The following SHISAL2B variants were observed in gnomAD, a reference collection of about 807,000 sequenced individuals.
The protein encoded by SHISAL2B is protein shisa-like-2B.
SHISAL2B carries 12 observed loss-of-function variants against 16.5 expected under a neutral mutation model. The observed-to-expected ratio is 0.73, with a 90% CI of 0.47 to 1.18. The LOEUF is 1.18. Among genes scored for constraint, SHISAL2B ranks in the 50% most tolerant of loss-of-function variants. The pLI is 0.00. For synonymous variants in SHISAL2B, 72 were observed against 75.0 expected (o/e 0.96, Z 0.21); for missense variants, 183 against 193.6 (o/e 0.95, Z 0.33).
At position 64,700,868 on chromosome 5, in the gene SHISAL2B, C is replaced by G. The variant is rs191896928; in HGVS notation, c.349+5204C>G. Among the ~76,000 whole-genome samples the G allele has an allele frequency of 7.2e-5, 11 of 152,320 alleles. No individual in the cohort carries two copies. The East Asian group carries it at 2.1e-3, about 29-fold the overall frequency. On this transcript the variant is annotated intron_variant, in intron 2 of 2. Coordinates refer to ENST00000389074, the MANE Select transcript of SHISAL2B (RefSeq NM_001164442.2). ...AGACATTAGATTCTCGTAAGGAAAGCACAACCTAGATCCCTCACATGCGCA... is the reference window on the plus strand; with the variant it reads ...AGACATTAGATTCTCGTAAGGAAAGGACAACCTAGATCCCTCACATGCGCA...
At chr5:64,703,462 T>G (rs1036032162) in intron 2 of SHISAL2B, among the ~76,000 whole-genome samples, 2 of 152,260 alleles carry the variant, frequency 1.3e-5, no homozygotes, top group Admixed American at 6.5e-5. Flanking sequence ...GAGCTACTGC[T>G]ACATTTATTA....
chr5:64,702,794 T>A (rs1741827869), intron 2 of SHISAL2B, among the ~76,000 whole-genome samples: 1 of 152,136 alleles, frequency 6.6e-6, no homozygotes, highest in Non-Finnish European at 1.5e-5. Context: ...ATTTTCCAAA[T>A]AATGAGTCAG....
At chr5:64,709,139 A>C in intron 2 of SHISAL2B, among the ~76,000 whole-genome samples, 1 of 142,978 alleles carries the variant, frequency 7.0e-6, no homozygotes, top group South Asian at 2.4e-4. Context: ...TGCACCCACT[A>C]ACTCGTCATC....
chr5:64,717,235 G>C (rs965380675), intron 2 of SHISAL2B, among the ~76,000 whole-genome samples: 1 of 152,200 alleles, frequency 6.6e-6, no homozygotes, highest in East Asian at 1.9e-4. Flanking sequence ...AGTAATGTCT[G>C]TGATTTCTTC....
chr5:64,706,296 T>A (rs574783045), intron 2 of SHISAL2B, among the ~76,000 whole-genome samples: 2 of 152,354 alleles, frequency 1.3e-5, no homozygotes, highest in South Asian at 4.1e-4. Flanking sequence ...ATACACAATT[T>A]AGTCTGGCTC....
intron 2 of SHISAL2B, among the ~76,000 whole-genome samples, chr5:64,702,110 A>T (rs76934143): frequency 0.033 from 5,054 of 152,328 alleles, 136 homozygotes; most frequent in Middle Eastern, 0.048. Context: ...TTCAAGTATA[A>T]AAAATAAATG....
rs533196018 is a variant in SHISAL2B at position 64,693,164 on chromosome 5, T to C, written c.192-2343T>C. Among the ~76,000 whole-genome samples, 574 of 152,108 alleles carry C rather than the reference T, an allele frequency of 3.8e-3. 2 individuals carry two copies. Among genetic ancestry groups the C allele is most frequent in the African/African-American group, 0.012 (479 of 41,500 alleles). On this transcript the variant is annotated intron_variant, in intron 1 of 2. Transcript: ENST00000389074. ...CTGGGACTACAGGCGCCTGCCACCA[T>C]GCCTGGCTAATTTTTTGTATTTTTA...
intron 2 of SHISAL2B, among the ~76,000 whole-genome samples, chr5:64,697,020 T>A (rs1427474308): frequency 6.6e-6 from 1 of 152,194 alleles, no homozygotes; most frequent in Non-Finnish European, 1.5e-5. Flanking sequence ...CAGGTGGGCA[T>A]CACCATCCTA....
chr5:64,694,269 A>G (rs1056801869), intron 1 of SHISAL2B: 3 of 355,694 alleles, frequency 8.4e-6, no homozygotes, highest in Non-Finnish European at 1.1e-5. Context: ...TAAGTTCTCA[A>G]ATGCTTTAAA....
chr5:64,698,847 G>A (rs1006768722), intron 2 of SHISAL2B, among the ~76,000 whole-genome samples: 1 of 152,200 alleles, frequency 6.6e-6, no homozygotes, highest in Non-Finnish European at 1.5e-5. Flanking sequence ...CACTGCATGT[G>A]TGTGATCAAA....
In SHISAL2B at chr5:64,717,810, A is replaced by T; in HGVS notation, c.350-79A>T. 5 of 1,279,872 alleles carry T rather than the reference A, an allele frequency of 3.9e-6. No homozygotes were observed. In the South Asian group the frequency reaches 7.3e-5, roughly 19 times the overall value. The allele number at this position is 1,279,872 out of a possible 1,614,324, so 79.3% of individuals were successfully genotyped here. ...ATCATATTTTCAATATTGCTACAAA[A>T]ATTATTTTTAAGTGCAAATTTTTAT... On this transcript the variant is annotated intron_variant, in intron 2 of 2. Coordinates refer to ENST00000389074, the MANE Select transcript of SHISAL2B (RefSeq NM_001164442.2).
At chr5:64,710,333 GA>G (rs1330241102) in intron 2 of SHISAL2B, among the ~76,000 whole-genome samples, 1 of 110,986 alleles carries the variant, frequency 9.0e-6, no homozygotes, top group African/African-American at 4.1e-5. Context: ...GTTTGTCAAA[GA>G]TCAGATAATT....
chr5:64,695,756 C>A, intron 2 of SHISAL2B, 92 bp downstream of exon 2: 1 of 986,576 alleles, frequency 1.0e-6, no homozygotes, highest in Non-Finnish European at 1.4e-6. Flanking sequence ...ACAATGAATG[C>A]TTTTTAAAAA....
chr5:64,693,798 T>C (rs1741688738), intron 1 of SHISAL2B, among the ~76,000 whole-genome samples: 1 of 152,208 alleles, frequency 6.6e-6, no homozygotes, highest in Admixed American at 6.5e-5. Context: ...AACTCTACAG[T>C]GAGTCACTCT....
chr5:64,718,170 A>G lies in SHISAL2B; in HGVS notation c.*148A>G, dbSNP rs1406546242. The G allele has an allele frequency of 5.1e-6, 3 of 584,968 alleles. No homozygotes were observed. The highest frequency in any genetic ancestry group is 8.2e-6 in the Non-Finnish European group (3 of 366,418). The allele number at this position is 584,968 out of a possible 1,614,324, so 36.2% of individuals were successfully genotyped here. A position where few individuals can be genotyped will look rare whatever the true frequency, so the allele number is the denominator to read the frequency against. On this transcript the variant is annotated 3_prime_UTR_variant, in exon 3 of 3. Coordinates refer to ENST00000389074, the MANE Select transcript of SHISAL2B (RefSeq NM_001164442.2). ...GCATTTTTGATCATTCAGTTACTTTATTAAACGCACATTAAGGTTTTATTG... is the reference window on the plus strand; with the variant it reads ...GCATTTTTGATCATTCAGTTACTTTGTTAAACGCACATTAAGGTTTTATTG...
chr5:64,707,463 T>G (rs114826833), intron 2 of SHISAL2B, among the ~76,000 whole-genome samples: 1 of 152,198 alleles, frequency 6.6e-6, no homozygotes, highest in Non-Finnish European at 1.5e-5. Flanking sequence ...AAAGGGCTTT[T>G]ATTGGCTGTA....
chr5:64,695,541 C>T lies in SHISAL2B; in HGVS notation c.226C>T (p.Leu76Phe). 6.5e-7 allele frequency: 1 copy of T among 1,535,940 alleles called. No homozygotes were observed. The highest frequency in any genetic ancestry group is 1.2e-5 in the South Asian group (1 of 83,790). The change falls in exon 2 of 3, where the codon CTT becomes TTT. Residue 76 changes from leucine to phenylalanine, a missense_variant. Coordinates refer to ENST00000389074, the MANE Select transcript of SHISAL2B (RefSeq NM_001164442.2). ...GALIGLGIAA[L>F]VLLAFVISVC... ...CTTGATTGGACTAGGAATTGCTGCCCTTGTTTTACTCGCCTTTGTCATCAG... is the reference window on the plus strand; with the variant it reads ...CTTGATTGGACTAGGAATTGCTGCCTTTGTTTTACTCGCCTTTGTCATCAG...
At chr5:64,701,478 G>T (rs1016258386) in intron 2 of SHISAL2B, among the ~76,000 whole-genome samples, 3 of 152,140 alleles carry the variant, frequency 2.0e-5, no homozygotes, top group African/African-American at 7.2e-5. Flanking sequence ...GCTCCAGGAA[G>T]ATAAAGCATA....
At chr5:64,701,487 T>C (rs1431765701) in intron 2 of SHISAL2B, among the ~76,000 whole-genome samples, 1 of 152,196 alleles carries the variant, frequency 6.6e-6, no homozygotes, top group Non-Finnish European at 1.5e-5. Flanking sequence ...AGATAAAGCA[T>C]ATTTATCCTG....
Sources: allele counts gnomAD v4.1 joint callset (sites outside exome capture counted in the v4.1 genomes callset), GRCh38; gene constraint gnomAD v4.1.1; transcripts MANE v1.5; gene names NCBI Gene and HGNC (gene_info 2026-07-23, HGNC 2026-07-21).